EIF4ENIF1: variants seen among roughly 807,000 people sequenced by gnomAD.
EIF4ENIF1 encodes the protein eukaryotic translation initiation factor 4E nuclear import factor 1.
Under a neutral mutation model 110.5 loss-of-function variants are expected in EIF4ENIF1, and 23 were observed. The ratio of observed to expected loss-of-function variants is 0.21; its 90% CI spans 0.15 to 0.29. EIF4ENIF1 has a LOEUF of 0.29. Among genes scored for constraint, EIF4ENIF1 ranks in the 10% least tolerant of loss-of-function variants. The pLI, the probability that EIF4ENIF1 is intolerant of heterozygous loss-of-function variation, is 1.00. For synonymous variants in EIF4ENIF1, 440 were observed against 437.0 expected (o/e 1.01, Z -0.09); for missense variants, 1,031 against 1,221.1 (o/e 0.84, Z 2.32).
rs573817217 is a variant in EIF4ENIF1, at chr22:31,475,535, T to G, written c.97-3618A>C. Reference sequence around the variant, plus strand: ...AGGAGGCTGAGGCAGGCAGATCACTTGAGGCCAGGAGTTTGAGACCAGCCT... The same window carrying G: ...AGGAGGCTGAGGCAGGCAGATCACTGGAGGCCAGGAGTTTGAGACCAGCCT... On this transcript the variant is annotated intron_variant, in intron 2 of 18. Transcript: ENST00000330125. 4.3e-4 allele frequency among the ~76,000 whole-genome samples: 65 copies of G among 152,026 alleles called. 1 individual carries two copies. Among genetic ancestry groups the G allele is most frequent in the Admixed American group, 1.2e-3 (19 of 15,258 alleles).
At chr22:31,449,717 G>A (rs1263643725) in intron 11 of EIF4ENIF1, among the ~76,000 whole-genome samples, 186 bp from the exon 12 acceptor site, 4 of 148,388 alleles carry the variant, frequency 2.7e-5, no homozygotes, top group South Asian at 2.1e-4. Flanking sequence ...CTAAGTTAGT[G>A]CTATAAATAG....
chr22:31,443,413 C>T (rs2050365443), intron 15 of EIF4ENIF1: 2 of 69,732 alleles, frequency 2.9e-5, no homozygotes, highest in South Asian at 2.5e-4. Flanking sequence ...AGCAACAGAC[C>T]TTCCTTGACA....
chr22:31,439,723 C>T lies in EIF4ENIF1; in HGVS notation c.*157G>A. ...CTCCACTCGACTGGTTAAGATCCTT[C>T]CATCATAATGCGGACCACACCAGAT... On this transcript the variant is annotated 3_prime_UTR_variant, in exon 19 of 19. Coordinates refer to ENST00000330125, the MANE Select transcript of EIF4ENIF1 (RefSeq NM_019843.4). 9.9e-7 allele frequency: 1 copy of T among 1,013,028 alleles called. No individual in the cohort carries two copies. The highest frequency in any genetic ancestry group is 1.4e-6 in the Non-Finnish European group (1 of 712,550). The allele number at this position is 1,013,028 out of a possible 1,614,324, so 62.8% of individuals were successfully genotyped here.
At chr22:31,492,095 ATTAGAGCTGTCCCTGGAACAC>A (rs2052291683), upstream of EIF4ENIF1, among the ~76,000 whole-genome samples, 1 of 152,180 alleles carries the variant, frequency 6.6e-6, no homozygotes, top group African/African-American at 2.4e-5. Context: ...ACCTGGGACC[ATTAGAGCTGTCCCTGGAACAC>A]TTACACATGG....
At chr22:31,456,492 G>A (rs1002757406) in intron 7 of EIF4ENIF1, among the ~76,000 whole-genome samples, 1 of 151,410 alleles carries the variant, frequency 6.6e-6, no homozygotes, top group Non-Finnish European at 1.5e-5. Flanking sequence ...CAAAGTGCTG[G>A]GATTACAAGC....
In EIF4ENIF1 at chr22:31,450,301, C is replaced by A. The variant is rs2050606801; in HGVS notation, c.1572G>T (p.Lys524Asn). ...PAEIPGQPVPKNILQELLGQP... is the reference protein window; with the variant it reads ...PAEIPGQPVPNNILQELLGQP... ...GATTGTGAAGTACCTGCAGGATGTTCTTAGGGACAGGCTGGCCTGGAATCT... is the reference window on the plus strand; with the variant it reads ...GATTGTGAAGTACCTGCAGGATGTTATTAGGGACAGGCTGGCCTGGAATCT... The change falls in exon 11 of 19, where the codon AAG (lysine) becomes AAT (asparagine). Residue 524 changes from lysine to asparagine, a missense_variant. By Grantham distance (94) the Lys-to-Asn change is moderately conservative. Coordinates refer to ENST00000330125, the MANE Select transcript of EIF4ENIF1 (RefSeq NM_019843.4). The A allele has an allele frequency of 1.2e-6, 2 of 1,613,420 alleles. No homozygotes were observed. Among genetic ancestry groups the A allele is most frequent in the South Asian group, 2.2e-5 (2 of 91,044 alleles).
chr22:31,452,801 A>G (rs1263625339), intron 10 of EIF4ENIF1, among the ~76,000 whole-genome samples: 7 of 152,224 alleles, frequency 4.6e-5, no homozygotes, highest in Non-Finnish European at 1.0e-4. Context: ...ATTCTCCTGC[A>G]ACTGGTATGG....
chr22:31,483,209 CTTTTTTTTTT>C (rs60986284), intron 2 of EIF4ENIF1, among the ~76,000 whole-genome samples: 3 of 89,452 alleles, frequency 3.4e-5, no homozygotes, highest in Non-Finnish European at 4.4e-5. Context: ...AGGAGACGAT[CTTTTTTTTTT>C]TTTTTTTTTT....
At chr22:31,470,003 A>C (rs112302285) in intron 3 of EIF4ENIF1, among the ~76,000 whole-genome samples, 92 of 151,882 alleles carry the variant, frequency 6.1e-4, no homozygotes, top group South Asian at 1.0e-3. Flanking sequence ...GTCTCTACTA[A>C]AACTATAAAA....
rs140868320 is a variant in EIF4ENIF1, at chr22:31,475,015, A to G, written c.97-3098T>C. ...GCCCACAAGAATCACTGGGTATAGC[A>G]TACCATGAATTCTCTAGTGTTTACA... On this transcript the variant is annotated intron_variant, in intron 2 of 18. Coordinates refer to ENST00000330125, the MANE Select transcript of EIF4ENIF1 (RefSeq NM_019843.4). 3.0e-4 allele frequency among the ~76,000 whole-genome samples: 45 copies of G among 152,320 alleles called. 1 individual carries two copies. In the South Asian group the frequency reaches 6.6e-3, roughly 22 times the overall value.
At chr22:31,457,411 T>C (rs576151376) in intron 7 of EIF4ENIF1, among the ~76,000 whole-genome samples, 1 of 152,330 alleles carries the variant, frequency 6.6e-6, no homozygotes, top group East Asian at 1.9e-4. Context: ...TTTGCAGTAT[T>C]CTTATCAATA....
chr22:31,438,190 G>A (rs114253798), downstream of EIF4ENIF1, among the ~76,000 whole-genome samples: 632 of 152,236 alleles, frequency 4.2e-3, 3 homozygotes, highest in African/African-American at 0.014. Context: ...GGTCCTGAAT[G>A]GACAAATATC....
At chr22:31,470,691 T>C (rs2051345299) in intron 3 of EIF4ENIF1, among the ~76,000 whole-genome samples, 1 of 150,320 alleles carries the variant, frequency 6.7e-6, no homozygotes, top group Non-Finnish European at 1.5e-5. Context: ...AGGACTTTTT[T>C]TTTTTTTTTT....
chr22:31,472,059 C>A, intron 2 of EIF4ENIF1, 142 bp from the exon 3 acceptor site: 1 of 641,202 alleles, frequency 1.6e-6, no homozygotes, highest in East Asian at 3.0e-5. Flanking sequence ...TCAGAAAGGA[C>A]TGGAGTACAT....
Position 31,460,400 on chromosome 22 carries a change from G to A in EIF4ENIF1, c.788-1750C>T, listed in dbSNP as rs570936831. ...TATAATCTCAGCACTTTGGGAGGCT[G>A]AGGCAGGTGGATCATGAGGTCAGGA... On this transcript the variant is annotated intron_variant, in intron 6 of 18. Transcript: ENST00000330125. Among the ~76,000 whole-genome samples, 113 of 152,316 alleles carry A rather than the reference G, an allele frequency of 7.4e-4. 1 individual carries two copies. The highest frequency in any genetic ancestry group is 2.3e-3 in the East Asian group (12 of 5,188).
chr22:31,462,972 C>G lies in EIF4ENIF1; in HGVS notation c.747G>C (p.Gly249=), dbSNP rs751223903. ...CTGTCCGTCGCCTTGTTCTTTTTCT[C>G]CCTTTGTGATCTTCTTCTAGTATCT... ...DDKILEEDHK[G]RKRTRRRTAS... is the part of the protein sequence containing the mutation. The change falls in exon 6 of 19, where the codon GGG becomes GGC. Residue 249 remains glycine, a synonymous_variant. Coordinates refer to ENST00000330125, the MANE Select transcript of EIF4ENIF1 (RefSeq NM_019843.4). The G allele has an allele frequency of 4.3e-6, 7 of 1,614,122 alleles. No homozygotes were observed. The highest frequency in any genetic ancestry group is 5.9e-6 in the Non-Finnish European group (7 of 1,180,010).
At chr22:31,478,802 A>T (rs1431084186) in intron 2 of EIF4ENIF1, among the ~76,000 whole-genome samples, 1 of 151,930 alleles carries the variant, frequency 6.6e-6, no homozygotes, top group African/African-American at 2.4e-5. Context: ...ATACAAAAAA[A>T]TTAGCCGGGC....
intron 6 of EIF4ENIF1, among the ~76,000 whole-genome samples, chr22:31,460,750 TC>T (rs2050966184): frequency 6.6e-6 from 1 of 151,464 alleles, no homozygotes; most frequent in Non-Finnish European, 1.5e-5. Flanking sequence ...ATCGAGACCA[TC>T]CTGGCTAACA....
chr22:31,470,159 C>T (rs929679267), intron 3 of EIF4ENIF1, among the ~76,000 whole-genome samples: 7 of 90,222 alleles, frequency 7.8e-5, no homozygotes, highest in Admixed American at 1.2e-4. Context: ...AGCGAAACTC[C>T]ACCTCAAAAA....
Sources: allele counts gnomAD v4.1 joint callset (sites outside exome capture counted in the v4.1 genomes callset), GRCh38; gene constraint gnomAD v4.1.1; transcripts MANE v1.5; gene names NCBI Gene and HGNC (gene_info 2026-07-23, HGNC 2026-07-21).